EIF4G1: variants seen among roughly 807,000 people sequenced by gnomAD.
The protein encoded by EIF4G1 is eukaryotic translation initiation factor 4 gamma 1, also known as EIF4-gamma.
In EIF4G1, 4 loss-of-function variants were observed where a neutral mutation model predicts 187.8. The observed-to-expected ratio is 0.02, with a 90% CI of 0.01 to 0.05. The LOEUF is 0.05. Among genes scored for constraint, EIF4G1 ranks in the 10% least tolerant of loss-of-function variants. The probability of loss-of-function intolerance (pLI) is 1.00; values close to 1 mark genes in which losing one functional copy is unlikely to be tolerated. For missense variants in EIF4G1, 1,647 were observed against 2,081.1 expected (o/e 0.79, Z 4.06); for synonymous variants, 844 against 781.4 (o/e 1.08, Z -1.34).
Position 184,335,131 on chromosome 3 carries a change from T to G in EIF4G1, c.*223T>G, listed in dbSNP as rs1485672440. The G allele has an allele frequency of 8.7e-6, 5 of 577,254 alleles. No individual in the cohort carries two copies. The highest frequency in any genetic ancestry group is 1.2e-5 in the Non-Finnish European group (4 of 326,200). The allele number at this position is 577,254 out of a possible 1,614,324, so 35.8% of individuals were successfully genotyped here. ...CTCTCCTCCCCCTGGGGCACAGAGA[T>G]ATATTATATATAAAGTCTTGAAATT... is the stretch of plus-strand genomic sequence containing the variant. On this transcript the variant is annotated 3_prime_UTR_variant, in exon 33 of 33. Transcript: ENST00000346169.
intron 25 of EIF4G1, 23 bp from the exon 26 acceptor site, chr3:184,327,807 C>G (rs1325498957): frequency 1.2e-6 from 2 of 1,613,986 alleles, no homozygotes; most frequent in Non-Finnish European, 1.7e-6. Context: ...TGGTCTCTTC[C>G]TGCTGTGCCC....
chr3:184,318,097 T>G (rs571912645), intron 6 of EIF4G1, among the ~76,000 whole-genome samples: 74 of 152,324 alleles, frequency 4.9e-4, no homozygotes, highest in African/African-American at 1.7e-3. Flanking sequence ...CTGTGACACT[T>G]CTTCCATGGT....
chr3:184,330,624 C>T (rs2108516270), intron 28 of EIF4G1, among the ~76,000 whole-genome samples: 1 of 152,166 alleles, frequency 6.6e-6, no homozygotes, highest in Non-Finnish European at 1.5e-5. Context: ...TTAAGATTTT[C>T]TGGGTTTAGG....
Position 184,321,638 on chromosome 3 carries a change from G to T in EIF4G1, c.1054G>T (p.Ala352Ser), listed in dbSNP as rs200118452. 104 of 1,611,510 alleles carry T rather than the reference G, an allele frequency of 6.5e-5. No individual in the cohort carries two copies. Among genetic ancestry groups the T allele is most frequent in the Non-Finnish European group, 7.7e-5 (91 of 1,178,376 alleles). ...SSPLQAPTPLASHTVEIHEPN... is the reference protein window; with the variant it reads ...SSPLQAPTPLSSHTVEIHEPN... Reference sequence around the variant, plus strand: ...TCCTCTCCAGGCTCCCACCCCTTTGGCATCTCACACAGTGGAAATTCATGA... The same window carrying T: ...TCCTCTCCAGGCTCCCACCCCTTTGTCATCTCACACAGTGGAAATTCATGA... The change falls in exon 10 of 33, where the codon GCA becomes TCA. Residue 352 changes from alanine to serine, a missense_variant. Physicochemically the swap from Ala to Ser is moderately conservative, Grantham distance 99. Transcript: ENST00000346169.
intron 6 of EIF4G1, among the ~76,000 whole-genome samples, chr3:184,318,105 G>A (rs1444020393): frequency 6.6e-6 from 1 of 152,152 alleles, no homozygotes; most frequent in Non-Finnish European, 1.5e-5. Context: ...CTTCTTCCAT[G>A]GTTGGGAGCC....
chr3:184,332,182 T>C, intron 32 of EIF4G1, 96 bp downstream of exon 32: 1 of 1,557,538 alleles, frequency 6.4e-7, no homozygotes, highest in East Asian at 2.3e-5. Flanking sequence ...CCAAGAAAGG[T>C]AGGTAGTCAT....
chr3:184,327,786 C>G lies in EIF4G1; in HGVS notation c.3781-44C>G, dbSNP rs199951071. The stretch of plus-strand genomic sequence containing the variant: ...AGGCATAGGGGTCCGGGGTCTGGGT[C>G]AGACAGTGACTGGTCTCTTCCTGCT... On this transcript the variant is annotated intron_variant, in intron 25 of 32. Transcript: ENST00000346169. 879 of 1,614,014 alleles carry G rather than the reference C, an allele frequency of 5.4e-4. 1 individual carries two copies. The highest frequency in any genetic ancestry group is 1.8e-3 in the Middle Eastern group (11 of 6,058).
intron 21 of EIF4G1, 72 bp downstream of exon 21, chr3:184,326,023 A>AG: frequency 6.8e-7 from 1 of 1,480,162 alleles, no homozygotes; most frequent in Non-Finnish European, 9.4e-7. Flanking sequence ...TCTAAAGTTG[A>AG]GAAGGTGACA....
chr3:184,331,663 G>T (rs1156566691), intron 30 of EIF4G1, 57 bp downstream of exon 30: 1 of 1,612,698 alleles, frequency 6.2e-7, no homozygotes, highest in South Asian at 1.1e-5. Flanking sequence ...GGGGGTGGGG[G>T]CAGCAAGAAT....
intron 31 of EIF4G1, 32 bp downstream of exon 31, chr3:184,331,841 G>T: frequency 6.2e-7 from 1 of 1,614,128 alleles, no homozygotes. Flanking sequence ...GAGGGGCAAG[G>T]GTGGGCCTGA....
At chr3:184,315,974 A>C in intron 3 of EIF4G1, 118 bp downstream of exon 3, 1 of 1,513,464 alleles carries the variant, frequency 6.6e-7, no homozygotes, top group Middle Eastern at 1.8e-4. Context: ...TGCCAAATTG[A>C]GACAGGGCCC....
At chr3:184,316,618 G>A in intron 4 of EIF4G1, 5 of 1,201,440 alleles carry the variant, frequency 4.2e-6, no homozygotes, top group South Asian at 1.4e-5. Flanking sequence ...CTTACTAAGT[G>A]GGAGGATTCT....
chr3:184,335,116 C>G lies in EIF4G1; in HGVS notation c.*208C>G. On this transcript the variant is annotated 3_prime_UTR_variant, in exon 33 of 33. Transcript: ENST00000346169. ...TGCCGCCAGGTGTCCCTCTCCTCCC[C>G]CTGGGGCACAGAGATATATTATATA... is the stretch of plus-strand genomic sequence containing the variant. 1 of 624,180 alleles carries G rather than the reference C, an allele frequency of 1.6e-6. No homozygotes were observed. The highest frequency in any genetic ancestry group is 2.8e-6 in the Non-Finnish European group (1 of 356,088). The allele number at this position is 624,180 out of a possible 1,614,324, so 38.7% of individuals were successfully genotyped here. A position where few individuals can be genotyped will look rare whatever the true frequency, so the allele number is the denominator to read the frequency against.
At chr3:184,319,838 G>C in intron 7 of EIF4G1, 37 bp downstream of exon 7, 1 of 1,430,242 alleles carries the variant, frequency 7.0e-7, no homozygotes, top group East Asian at 2.4e-5. Flanking sequence ...CATCTGGGAA[G>C]GGGAGAATCA....
intron 28 of EIF4G1, among the ~76,000 whole-genome samples, chr3:184,330,400 C>T (rs1222322878): frequency 3.9e-5 from 6 of 151,902 alleles, no homozygotes; most frequent in Admixed American, 1.3e-4. Flanking sequence ...AGATATATAT[C>T]GGCTGTAAGA....
chr3:184,331,808 T>C lies in EIF4G1; in HGVS notation c.4476T>C (p.Ile1492=), dbSNP rs1726161306. ...LMTAVCYSAI[I]FETPLRVDVA... The stretch of plus-strand genomic sequence containing the variant: ...CGGCTGTCTGCTATTCTGCAATTAT[T>C]TGTAAGAGGAACCAGGGAGATGGAG... Residue 1492 remains isoleucine, a splice_region_variant and synonymous_variant, in exon 31 of 33, where the codon ATT becomes ATC. Transcript: ENST00000346169. The C allele has an allele frequency of 6.2e-7, 1 of 1,613,988 alleles. No homozygotes were observed. The highest frequency in any genetic ancestry group is 1.7e-5 in the Admixed American group (1 of 59,992).
chr3:184,315,680 G>C, intron 2 of EIF4G1, 83 bp from the exon 3 acceptor site: 1 of 1,027,258 alleles, frequency 9.7e-7, no homozygotes, highest in Non-Finnish European at 1.5e-6. Flanking sequence ...ATGGGACCCA[G>C]CCCTTGCATC....
chr3:184,319,464 TGTTTGTGTGTG>T (rs1577194749), intron 6 of EIF4G1, among the ~76,000 whole-genome samples: 1 of 12,434 alleles, frequency 8.0e-5, no homozygotes, highest in East Asian at 1.2e-3. Flanking sequence ...TGTGTGTGTG[TGTTTGTGTGTG>T]TGTGTGTGTT....
Position 184,334,451 on chromosome 3 carries a change from A to G in EIF4G1, c.4619-276A>G, listed in dbSNP as rs1363275320. On this transcript the variant is annotated intron_variant, in intron 32 of 32. Transcript: ENST00000346169. This position sits in a 1 kb window ranked among gnomAD's most constrained non-coding sequence, Gnocchi z 5.8. Reference sequence around the variant, plus strand: ...ACCAATTCTGAATATAGTTTTCTCCATTAAATACATCATGGGCAGAGAGGT... The same window carrying G: ...ACCAATTCTGAATATAGTTTTCTCCGTTAAATACATCATGGGCAGAGAGGT... Among the ~76,000 whole-genome samples the G allele has an allele frequency of 6.6e-6, 1 of 152,188 alleles. No individual in the cohort carries two copies. Among genetic ancestry groups the G allele is most frequent in the Non-Finnish European group, 1.5e-5 (1 of 68,026 alleles).
Sources: gnomAD v4.1 joint callset for allele counts (sites outside exome capture counted in the v4.1 genomes callset) on GRCh38, gnomAD v4.1.1 for gene constraint, Gnocchi (gnomAD v3.1) non-coding constraint, MANE v1.5 for transcripts, NCBI Gene and HGNC (gene_info 2026-07-23, HGNC 2026-07-21) for gene names.